Variants in POU6F2 observed in about 807,000 individuals in gnomAD.
POU6F2 encodes POU class 6 homeobox 2, also known as POU domain, class 6, transcription factor 2.
POU6F2 carries 31 observed loss-of-function variants against 71.3 expected under a neutral mutation model. That is an observed-to-expected ratio of 0.43 (90% CI 0.33 to 0.59). POU6F2 has a LOEUF of 0.59. POU6F2 is among the 20% of genes least tolerant of loss of function. The pLI is 0.04. For missense variants in POU6F2, 783 were observed against 856.8 expected, an observed-to-expected ratio of 0.91 and a Z score of 1.07; for synonymous variants, 347 against 355.7, an observed-to-expected ratio of 0.98 and a Z score of 0.27.
intron 4 of POU6F2, among the ~76,000 whole-genome samples, chr7:39,275,434 C>G (rs1374500194): frequency 6.6e-6 from 1 of 152,166 alleles, no homozygotes; most frequent in African/African-American, 2.4e-5. Flanking sequence ...ATTCCATGCT[C>G]ATGGGTAGGA....
chr7:39,196,341 T>C (rs917318601), intron 2 of POU6F2, among the ~76,000 whole-genome samples: 5 of 152,216 alleles, frequency 3.3e-5, no homozygotes, highest in Admixed American at 2.0e-4. Flanking sequence ...CCAAATGATA[T>C]GTTTAGGAGG....
intron 1 of POU6F2, among the ~76,000 whole-genome samples, chr7:39,012,077 C>G (rs913410762): frequency 2.6e-5 from 4 of 151,840 alleles, no homozygotes; most frequent in African/African-American, 9.7e-5. Flanking sequence ...GCCTGCCTTG[C>G]TAGATTGGGG....
intron 7 of POU6F2, among the ~76,000 whole-genome samples, chr7:39,434,074 T>C (rs1788172555): frequency 6.6e-6 from 1 of 151,646 alleles, no homozygotes; most frequent in Non-Finnish European, 1.5e-5. Context: ...CACCACAGAG[T>C]TGGAAGTGAC....
chr7:39,357,868 C>T (rs1583548480), intron 5 of POU6F2, among the ~76,000 whole-genome samples: 1 of 152,258 alleles, frequency 6.6e-6, no homozygotes, highest in African/African-American at 2.4e-5. Context: ...ATTGCTCTAG[C>T]GCCCCCTCTG....
Position 39,036,951 on chromosome 7 carries a change from G to T in POU6F2, c.106-48909G>T, listed in dbSNP as rs962754195. On this transcript the variant is annotated intron_variant, in intron 1 of 9. Coordinates refer to ENST00000518318, the MANE Select transcript of POU6F2 (RefSeq NM_001370959.1). The stretch of plus-strand genomic sequence containing the variant: ...GGTACATGTGCAGGTTTGTTATATA[G>T]GTAAATTTCGTGTCATGGGGGTTTT... Among the ~76,000 whole-genome samples, 9 of 151,534 alleles carry T rather than the reference G, an allele frequency of 5.9e-5. No homozygotes were observed. The South Asian group carries it at 1.7e-3, about 28-fold the overall frequency.
intron 1 of POU6F2, among the ~76,000 whole-genome samples, chr7:39,022,147 T>G (rs1789691215): frequency 6.6e-6 from 1 of 152,086 alleles, no homozygotes; most frequent in African/African-American, 2.4e-5. Context: ...TTCTTCTCTT[T>G]TCTTTTATGA....
intron 5 of POU6F2, among the ~76,000 whole-genome samples, chr7:39,362,281 G>GAA (rs56922701): frequency 8.5e-4 from 111 of 130,922 alleles, no homozygotes; most frequent in Middle Eastern, 8.1e-3. Context: ...TCAATGGCCA[G>GAA]AAAAAAAAAA....
intron 4 of POU6F2, among the ~76,000 whole-genome samples, chr7:39,233,474 T>A (rs1047421603): frequency 1.1e-4 from 17 of 152,348 alleles, no homozygotes; most frequent in East Asian, 1.9e-4. Context: ...CTTGCATTGC[T>A]ACATTCTCAT....
At chr7:39,234,693 C>T (rs891874642) in intron 4 of POU6F2, among the ~76,000 whole-genome samples, 1 of 152,086 alleles carries the variant, frequency 6.6e-6, no homozygotes, top group Non-Finnish European at 1.5e-5. Context: ...TTCCACTGAC[C>T]CCCTCTTCAT....
intron 1 of POU6F2, among the ~76,000 whole-genome samples, chr7:39,067,909 A>G (rs1310682277): frequency 6.6e-6 from 1 of 152,204 alleles, no homozygotes; most frequent in Non-Finnish European, 1.5e-5. Flanking sequence ...AATTTTAAGG[A>G]TAATACAAAA....
At chr7:39,446,296 AT>A (rs2116094320) in intron 7 of POU6F2, among the ~76,000 whole-genome samples, 1 of 152,212 alleles carries the variant, frequency 6.6e-6, no homozygotes, top group African/African-American at 2.4e-5. Flanking sequence ...GCCCTCCTTC[AT>A]TTTGCCTTTG....
chr7:39,273,946 G>GA (rs772295419), intron 4 of POU6F2, among the ~76,000 whole-genome samples: 2 of 151,900 alleles, frequency 1.3e-5, no homozygotes, highest in Non-Finnish European at 2.9e-5. Flanking sequence ...CAAAAATATT[G>GA]AAAAAATATT....
chr7:39,302,019 C>A (rs1784956850), intron 4 of POU6F2, among the ~76,000 whole-genome samples: 1 of 152,192 alleles, frequency 6.6e-6, no homozygotes, highest in African/African-American at 2.4e-5. Flanking sequence ...CCATTGCCCC[C>A]TTTAAGCAGT....
chr7:39,020,962 A>AT (rs924067299), intron 1 of POU6F2, among the ~76,000 whole-genome samples: 8 of 150,334 alleles, frequency 5.3e-5, no homozygotes, highest in Non-Finnish European at 8.9e-5. Context: ...TTTCCTTATC[A>AT]TTTTTTTTAA....
intron 2 of POU6F2, among the ~76,000 whole-genome samples, chr7:39,124,808 T>C (rs1172577537): frequency 1.3e-5 from 2 of 152,200 alleles, no homozygotes; most frequent in Non-Finnish European, 2.9e-5. Flanking sequence ...TTTTCAGAAG[T>C]TGAGTTTGCC....
intron 2 of POU6F2, among the ~76,000 whole-genome samples, chr7:39,135,199 G>C (rs910235102): frequency 3.9e-5 from 6 of 152,154 alleles, no homozygotes; most frequent in African/African-American, 1.2e-4. Flanking sequence ...TGTGAAAGCA[G>C]TTATGAGCAT....
chr7:39,172,913 G>A (rs549983452), intron 2 of POU6F2, among the ~76,000 whole-genome samples: 10 of 149,892 alleles, frequency 6.7e-5, no homozygotes, highest in African/African-American at 9.8e-5. Flanking sequence ...GTGTGCCATC[G>A]TGCCTGGCCT....
In POU6F2 at chr7:39,029,345, T is replaced by C. The variant is rs150951292; in HGVS notation, c.105+51287T>C. Among the ~76,000 whole-genome samples, 18 of 152,280 alleles carry C rather than the reference T, an allele frequency of 1.2e-4. No homozygotes were observed. In the East Asian group the frequency reaches 3.3e-3, roughly 28 times the overall value. On this transcript the variant is annotated intron_variant, in intron 1 of 9. Transcript: ENST00000518318. ...TTTTATTTTTCTTTCCTACTGTTGGTACTTTTACTTTTGTTTCCTATTACA... is the reference window on the plus strand; with the variant it reads ...TTTTATTTTTCTTTCCTACTGTTGGCACTTTTACTTTTGTTTCCTATTACA...
At chr7:39,229,163 G>A (rs1045029996) in intron 4 of POU6F2, among the ~76,000 whole-genome samples, 7 of 152,198 alleles carry the variant, frequency 4.6e-5, no homozygotes, top group Admixed American at 2.0e-4. Flanking sequence ...TTAGAAAACA[G>A]CAGCCCTCTT....
Sources: gnomAD v4.1 joint callset for allele counts (sites outside exome capture counted in the v4.1 genomes callset) on GRCh38, gnomAD v4.1.1 for gene constraint, MANE v1.5 for transcripts, NCBI Gene and HGNC (gene_info 2026-07-23, HGNC 2026-07-21) for gene names.